SAFB2: variants seen among roughly 807,000 people sequenced by gnomAD.
SAFB2 encodes scaffold attachment factor B2.
SAFB2 carries 32 observed loss-of-function variants against 100.6 expected under a neutral mutation model. The observed-to-expected ratio is 0.32, with a 90% confidence interval of 0.24 to 0.43. The LOEUF is 0.43. Ranked by LOEUF, SAFB2 falls within the 20% of genes least tolerant of loss-of-function variation. SAFB2 has a pLI of 1.00. For missense variants in SAFB2, 1,185 were observed against 1,163.4 expected, an observed-to-expected ratio of 1.02 and a Z score of -0.27; for synonymous variants, 500 against 439.4, an observed-to-expected ratio of 1.14 and a Z score of -1.72.
At position 5,616,433 on chromosome 19, in the gene SAFB2, T is replaced by C; in HGVS notation, c.328A>G (p.Arg110Gly). 6.2e-7 allele frequency: 1 copy of C among 1,614,090 alleles called. No homozygotes were observed. Among genetic ancestry groups the C allele is most frequent in the Non-Finnish European group, 8.5e-7 (1 of 1,180,014 alleles). The change falls in exon 3 of 21, where the codon AGA (arginine) becomes GGA (glycine). Residue 110 changes from arginine (R) to glycine (G), a missense_variant. By Grantham distance (125) the Arg-to-Gly change is moderately radical (BLOSUM62 -2). Transcript: ENST00000252542. The stretch of plus-strand genomic sequence containing the variant: ...CTGACATCACTTACCTGCCCGTCTC[T>C]GGAATCGTCTTCCAGGCCATTATCT... ...TEDNGLEDDSRDGQEDMEASL... is the reference protein window; with the variant it reads ...TEDNGLEDDSGDGQEDMEASL...
rs767147165 is a variant in SAFB2, at chr19:5,622,702, A to G, written c.14T>C (p.Leu5Pro). 1 of 1,603,874 alleles carries G rather than the reference A, an allele frequency of 6.2e-7. No homozygotes were observed. Among genetic ancestry groups the G allele is most frequent in the Non-Finnish European group, 8.5e-7 (1 of 1,178,106 alleles). Reference sequence around the variant, plus strand: ...AGGGCCCGAGTCGCCCGACCCGGGCAGAGTCTCCGCCATCGTCGCGTTCCC... The same window carrying G: ...AGGGCCCGAGTCGCCCGACCCGGGCGGAGTCTCCGCCATCGTCGCGTTCCC... Reference protein sequence around the residue: MAETLPGSGDSGPGT... With the variant: MAETPPGSGDSGPGT... Residue 5 changes from leucine (L) to proline (P), a missense_variant, in exon 1 of 21, where the codon CTG becomes CCG. This residue lies in a region of SAFB2 where 351 missense variants were observed against 341.2 expected (regional missense o/e 1.03). Transcript: ENST00000252542.
At chr19:5,591,722 G>C in intron 17 of SAFB2, 26 bp downstream of exon 17, 2 of 1,610,288 alleles carry the variant, frequency 1.2e-6, no homozygotes, top group Non-Finnish European at 1.7e-6. Context: ...AGTGGCCCCA[G>C]GGCTTGGCAT....
At chr19:5,594,418 T>C (rs895039691) in intron 14 of SAFB2, among the ~76,000 whole-genome samples, 1 of 152,210 alleles carries the variant, frequency 6.6e-6, no homozygotes, top group Non-Finnish European at 1.5e-5. Context: ...TTCCAAATGC[T>C]GTGAGCACAG....
intron 13 of SAFB2, 92 bp downstream of exon 13, chr19:5,598,701 C>A (rs2052586194): frequency 2.5e-6 from 3 of 1,195,252 alleles, no homozygotes; most frequent in Non-Finnish European, 3.7e-6. Context: ...ATTTTAAAGG[C>A]AAAACAGTGC....
At chr19:5,608,777 C>T (rs1461644882) in intron 9 of SAFB2, among the ~76,000 whole-genome samples, 3 of 152,126 alleles carry the variant, frequency 2.0e-5, no homozygotes, top group Non-Finnish European at 4.4e-5. Context: ...TGGCTAGGCG[C>T]GGTGGCTCAC....
intron 13 of SAFB2, among the ~76,000 whole-genome samples, chr19:5,596,605 A>G (rs2052540806): frequency 6.6e-6 from 1 of 152,118 alleles, no homozygotes; most frequent in Non-Finnish European, 1.5e-5. Flanking sequence ...ATCCTCCCAA[A>G]GTGCCGGGAT....
At position 5,610,706 on chromosome 19, in the gene SAFB2, T is replaced by C. The variant is rs972860742; in HGVS notation, c.1146-18A>G. ...TAAAAGAGCTAGAGACAAAAGTTAA[T>C]GTTACTCATACAGGAAAAAAACGAA... is the stretch of plus-strand genomic sequence containing the variant. On this transcript the variant is annotated intron_variant, in intron 7 of 20. Coordinates refer to ENST00000252542, the MANE Select transcript of SAFB2 (RefSeq NM_014649.3). 2.7e-6 allele frequency: 4 copies of C among 1,505,928 alleles called. No homozygotes were observed. 93.3% of individuals were successfully genotyped at this position (1,505,928 alleles called of 1,614,324 possible).
At position 5,604,864 on chromosome 19, in the gene SAFB2, T is replaced by A; in HGVS notation, c.1369A>T (p.Thr457Ser). 6.2e-7 allele frequency: 1 copy of A among 1,614,162 alleles called. No individual in the cohort carries two copies. Residue 457 changes from threonine (T) to serine (S), a missense_variant, in exon 10 of 21, where the codon ACA becomes TCA. By Grantham distance (58) the Thr-to-Ser change is moderately conservative. This residue lies in a region of SAFB2 where 94 missense variants were observed against 135.1 expected (regional missense o/e 0.70). Coordinates refer to ENST00000252542, the MANE Select transcript of SAFB2 (RefSeq NM_014649.3). ...ARCYGFVTMS[T>S]SDEATKCISH... ...ATGCACTTGGTCGCCTCGTCAGATG[T>A]CGACATGGTGACGAATCCATAGCAT...
At chr19:5,595,253 G>T in intron 14 of SAFB2, 108 bp downstream of exon 14, 3 of 1,412,902 alleles carry the variant, frequency 2.1e-6, no homozygotes, top group Non-Finnish European at 2.9e-6. Flanking sequence ...CGCCAGCCCA[G>T]GCACTGGCTC....
At chr19:5,594,577 CTGCT>C (rs1414844617) in intron 14 of SAFB2, among the ~76,000 whole-genome samples, 1 of 152,166 alleles carries the variant, frequency 6.6e-6, no homozygotes. Context: ...CAACTGGACT[CTGCT>C]TGCAGTTTCT....
intron 11 of SAFB2, among the ~76,000 whole-genome samples, chr19:5,602,332 T>C (rs553375257): frequency 6.6e-6 from 1 of 151,236 alleles, no homozygotes; most frequent in Non-Finnish European, 1.5e-5. Context: ...CAAAAAAAAT[T>C]AGCCGGGCGT....
chr19:5,588,073 G>C, intron 18 of SAFB2, 93 bp from the exon 19 acceptor site: 1 of 1,094,764 alleles, frequency 9.1e-7, no homozygotes, highest in Non-Finnish European at 1.3e-6. Context: ...GCTGCATGGT[G>C]GGTCATGCCA....
chr19:5,621,445 C>T, intron 1 of SAFB2, 49 bp from the exon 2 acceptor site: 1 of 1,161,628 alleles, frequency 8.6e-7, no homozygotes, highest in Non-Finnish European at 1.3e-6. Context: ...CTGCAGGGCA[C>T]ACACTGTTCC....
chr19:5,590,211 G>C, intron 18 of SAFB2, 67 bp downstream of exon 18: 1 of 1,359,672 alleles, frequency 7.4e-7, no homozygotes, highest in Non-Finnish European at 9.7e-7. Flanking sequence ...GACGTGCCTG[G>C]CCAGGCACCA....
intron 8 of SAFB2, 104 bp from the exon 9 acceptor site, chr19:5,610,199 C>T (rs1446465995): frequency 1.2e-6 from 1 of 851,752 alleles, no homozygotes; most frequent in Non-Finnish European, 1.9e-6. Flanking sequence ...GACGCCCAAT[C>T]CCAACTGCTG....
At chr19:5,620,554 T>C (rs2053118962) in intron 2 of SAFB2, among the ~76,000 whole-genome samples, 1 of 152,244 alleles carries the variant, frequency 6.6e-6, no homozygotes, top group Non-Finnish European at 1.5e-5. Flanking sequence ...AGCATTATGC[T>C]ACGTGAAAGC....
chr19:5,598,806 C>G lies in SAFB2; in HGVS notation c.1769G>C (p.Arg590Thr), dbSNP rs371519329. The stretch of plus-strand genomic sequence containing the variant: ...GGCAATACTCACTCTCTCTTTGGAC[C>G]TGCTTGTGGTTTTCACGCTAATGAC... ...EPVISVKTTS[R>T]SKERSSKSQD... is the part of the protein sequence containing the mutation. Residue 590 changes from arginine to threonine, a missense_variant, in exon 13 of 21, where the codon AGG becomes ACG. Arg to Thr is a moderately conservative substitution (Grantham distance 71). Transcript: ENST00000252542. 74 of 1,614,054 alleles carry G rather than the reference C, an allele frequency of 4.6e-5. No individual in the cohort carries two copies. The highest frequency in any genetic ancestry group is 3.3e-4 in the Middle Eastern group (2 of 6,080).
At chr19:5,595,645 A>G in intron 13 of SAFB2, 148 bp from the exon 14 acceptor site, 1 of 963,130 alleles carries the variant, frequency 1.0e-6, no homozygotes, top group Non-Finnish European at 1.5e-6. Flanking sequence ...AGGCCCAGGC[A>G]TAGGCTGCTT....
In SAFB2 at chr19:5,593,983, G is replaced by C; in HGVS notation, c.2115C>G (p.Ile705Met). ...ERERRKEQER[I>M]HREREELRRQ... is the part of the protein sequence containing the mutation. ...GCCGCAGCTCCTCGCGCTCGCGGTG[G>C]ATGCGCTCCTGCTCCTTCCTGCGCT... Residue 705 changes from isoleucine (I) to methionine (M), a missense_variant, in exon 15 of 21, where the codon ATC becomes ATG. By Grantham distance (10) the Ile-to-Met change is conservative. Around this residue, in one of 3 missense-constraint regions of SAFB2, gnomAD observed 740 missense variants for 687.1 expected, o/e 1.08. Transcript: ENST00000252542. 6.4e-7 allele frequency: 1 copy of C among 1,556,094 alleles called. No individual in the cohort carries two copies. Among genetic ancestry groups the C allele is most frequent in the Non-Finnish European group, 8.6e-7 (1 of 1,157,834 alleles).
Sources: gnomAD v4.1 joint callset for allele counts (sites outside exome capture counted in the v4.1 genomes callset) on GRCh38, gnomAD v4.1.1 for gene constraint, gnomAD v4.1.1 regional missense constraint, MANE v1.5 for transcripts, NCBI Gene and HGNC (gene_info 2026-07-23, HGNC 2026-07-21) for gene names.